The following PALS2 variants were observed in gnomAD, a reference collection of about 807,000 sequenced individuals.
PALS2 encodes the protein protein associated with LIN7 2, MAGUK p55 family member.
Under a neutral mutation model 61.6 loss-of-function variants are expected in PALS2, and 27 were observed. The ratio of observed to expected loss-of-function variants is 0.44; its 90% confidence interval spans 0.32 to 0.60. PALS2 has a LOEUF of 0.60. Among genes scored for constraint, PALS2 ranks in the 20% least tolerant of loss-of-function variants. PALS2 has a pLI of 0.05. For synonymous variants in PALS2, 236 were observed against 218.6 expected (o/e 1.08, Z -0.70); for missense variants, 554 against 639.4 (o/e 0.87, Z 1.44).
At chr7:24,619,551 A>G (rs1784414524) in intron 1 of PALS2, among the ~76,000 whole-genome samples, 1 of 151,956 alleles carries the variant, frequency 6.6e-6, no homozygotes, top group Admixed American at 6.6e-5. Context: ...CCCCGTCTCT[A>G]CTAAAAAATA....
At position 24,693,096 on chromosome 7, in the gene PALS2, T is replaced by G. The variant is rs1350410540; in HGVS notation, c.*5482T>G. On this transcript the variant is annotated 3_prime_UTR_variant, in exon 12 of 12. Coordinates refer to ENST00000222644, the MANE Select transcript of PALS2 (RefSeq NM_001303037.2). ...CCTTTTTTTCCCCTCCTACTGGCTC[T>G]TACTGTTTTCTAATCTCCAGTGTAA... 6.6e-6 allele frequency: 1 copy of G among 152,194 alleles called. No homozygotes were observed. Among genetic ancestry groups the G allele is most frequent in the Non-Finnish European group, 1.5e-5 (1 of 68,018 alleles). The allele number at this position is 152,194 out of a possible 1,614,324, so 9.4% of individuals were successfully genotyped here.
intron 1 of PALS2, among the ~76,000 whole-genome samples, chr7:24,619,616 G>A (rs972322675): frequency 6.6e-6 from 1 of 151,658 alleles, no homozygotes; most frequent in Non-Finnish European, 1.5e-5. Context: ...TACTCGGGAG[G>A]CTGAGGCAGG....
chr7:24,663,177 C>A (rs1004883075), intron 5 of PALS2, among the ~76,000 whole-genome samples: 18 of 152,276 alleles, frequency 1.2e-4, no homozygotes, highest in Middle Eastern at 3.4e-3. Context: ...AGGGCCTTTT[C>A]ACAGAGTTCT....
rs567037990 is a variant in PALS2, at chr7:24,623,615, TTTTG to T, written c.-2-27_-2-24del. The T allele has an allele frequency of 8.3e-4, 951 of 1,152,324 alleles. 2 individuals are homozygous for T. The highest frequency in any genetic ancestry group is 2.8e-3 in the South Asian group (179 of 63,212). The allele number at this position is 1,152,324 out of a possible 1,614,324, so 71.4% of individuals were successfully genotyped here. A position where few individuals can be genotyped will look rare whatever the true frequency, so the allele number is the denominator to read the frequency against. ...CCATAACGGCTTGAAATTTAAGGGT[TTTTG>T]TTTGTTTGTTTGTTTGTTTGTTTTT... On this transcript the variant is annotated intron_variant, in intron 1 of 11. Coordinates refer to ENST00000222644, the MANE Select transcript of PALS2 (RefSeq NM_001303037.2).
intron 1 of PALS2, among the ~76,000 whole-genome samples, chr7:24,594,646 A>G (rs190612588): frequency 6.6e-5 from 10 of 152,230 alleles, no homozygotes; most frequent in Admixed American, 6.6e-4. Flanking sequence ...ACGAGTCAGA[A>G]CACATACATT....
intron 2 of PALS2, among the ~76,000 whole-genome samples, chr7:24,627,662 C>A (rs56192723): frequency 0.047 from 7,141 of 152,008 alleles, 184 homozygotes; most frequent in Non-Finnish European, 0.058. Flanking sequence ...CAAATAGATA[C>A]AATAAAAAAT....
chr7:24,645,333 A>G (rs1785776913), intron 3 of PALS2, among the ~76,000 whole-genome samples: 1 of 152,166 alleles, frequency 6.6e-6, no homozygotes, highest in Non-Finnish European at 1.5e-5. Context: ...TCTTCTGCAT[A>G]TGGCTAGCTG....
chr7:24,687,760 T>C lies in PALS2; in HGVS notation c.*146T>C, dbSNP rs1788283201. On this transcript the variant is annotated 3_prime_UTR_variant, in exon 12 of 12. Coordinates refer to ENST00000222644, the MANE Select transcript of PALS2 (RefSeq NM_001303037.2). This position sits in a 1 kb window ranked among gnomAD's most constrained non-coding sequence, Gnocchi z 4.5. ...GGTGTAGATTGAAATAATAGTACACTTCTGAATTTTTATATAAAATGTGGT... is the reference window on the plus strand; with the variant it reads ...GGTGTAGATTGAAATAATAGTACACCTCTGAATTTTTATATAAAATGTGGT... 3.0e-6 allele frequency: 2 copies of C among 669,230 alleles called. No homozygotes were observed. The highest frequency in any genetic ancestry group is 2.2e-6 in the Non-Finnish European group (1 of 445,008). 41.5% of individuals were successfully genotyped at this position (669,230 alleles called of 1,614,324 possible).
intron 5 of PALS2, among the ~76,000 whole-genome samples, chr7:24,652,468 A>C (rs1786203972): frequency 6.6e-6 from 1 of 152,136 alleles, no homozygotes; most frequent in Non-Finnish European, 1.5e-5. Flanking sequence ...AGAGCTGGGG[A>C]AATGAATTCA....
intron 2 of PALS2, among the ~76,000 whole-genome samples, chr7:24,631,134 G>C (rs1042024448): frequency 6.6e-6 from 1 of 152,156 alleles, no homozygotes; most frequent in African/African-American, 2.4e-5. Flanking sequence ...TTCCAGAAAG[G>C]GTTTACTATT....
intron 6 of PALS2, among the ~76,000 whole-genome samples, 193 bp downstream of exon 6, chr7:24,663,914 G>A (rs889213668): frequency 7.2e-5 from 11 of 152,170 alleles, no homozygotes; most frequent in African/African-American, 1.9e-4. Context: ...CTTAATAAGT[G>A]CAGAATTAAC....
chr7:24,631,119 A>G (rs184565175), intron 2 of PALS2, among the ~76,000 whole-genome samples: 22 of 152,340 alleles, frequency 1.4e-4, no homozygotes, highest in Admixed American at 1.4e-3. Flanking sequence ...AGTAAATTGC[A>G]AGCCTTCCAG....
chr7:24,648,115 G>GT (rs1785938380), intron 3 of PALS2, among the ~76,000 whole-genome samples: 1 of 152,018 alleles, frequency 6.6e-6, no homozygotes, highest in Non-Finnish European at 1.5e-5. Context: ...TTCACAAATT[G>GT]TTTTATGAAA....
In PALS2 at chr7:24,690,853, T is replaced by G. The variant is rs1000854294; in HGVS notation, c.*3239T>G. 2 of 152,194 alleles carry G rather than the reference T, an allele frequency of 1.3e-5. No homozygotes were observed. Among genetic ancestry groups the G allele is most frequent in the Admixed American group, 6.5e-5 (1 of 15,278 alleles). The allele number at this position is 152,194 out of a possible 1,614,324, so 9.4% of individuals were successfully genotyped here. A position where few individuals can be genotyped will look rare whatever the true frequency, so the allele number is the denominator to read the frequency against. On this transcript the variant is annotated 3_prime_UTR_variant, in exon 12 of 12. Transcript: ENST00000222644. The stretch of plus-strand genomic sequence containing the variant: ...CAGTATGCCTACAGCATTAGTAGCC[T>G]AAATCCTAGATTCTAGAATCCAATA...
chr7:24,685,456 GT>G (rs1788145183), intron 11 of PALS2, among the ~76,000 whole-genome samples: 1 of 152,014 alleles, frequency 6.6e-6, no homozygotes. Flanking sequence ...ATTTTACCAT[GT>G]TAGTTTCCAG....
intron 1 of PALS2, among the ~76,000 whole-genome samples, chr7:24,587,636 C>A (rs1173507950): frequency 6.6e-6 from 1 of 151,884 alleles, no homozygotes; most frequent in Non-Finnish European, 1.5e-5. Context: ...CTTGGCCTCC[C>A]ATAGTGCTGG....
Position 24,692,361 on chromosome 7 carries a change from A to T in PALS2, c.*4747A>T, listed in dbSNP as rs909458748. The stretch of plus-strand genomic sequence containing the variant: ...GATGAAATTTATATTTCCCTTTATC[A>T]TTACTATTCTACTTGTTAAGTAAGG... On this transcript the variant is annotated 3_prime_UTR_variant, in exon 12 of 12. Transcript: ENST00000222644. The T allele has an allele frequency of 1.3e-5, 2 of 152,190 alleles. No homozygotes were observed. Among genetic ancestry groups the T allele is most frequent in the African/African-American group, 4.8e-5 (2 of 41,454 alleles). The allele number at this position is 152,190 out of a possible 1,614,324, so 9.4% of individuals were successfully genotyped here. A position where few individuals can be genotyped will look rare whatever the true frequency, so the allele number is the denominator to read the frequency against.
At chr7:24,609,155 T>G (rs540264099) in intron 1 of PALS2, among the ~76,000 whole-genome samples, 19 of 152,342 alleles carry the variant, frequency 1.2e-4, no homozygotes, top group African/African-American at 4.3e-4. Flanking sequence ...AAATGCCTGG[T>G]GATATAATTG....
intron 3 of PALS2, among the ~76,000 whole-genome samples, chr7:24,646,077 A>G (rs1167751029): frequency 6.6e-6 from 1 of 152,082 alleles, no homozygotes; most frequent in Non-Finnish European, 1.5e-5. Context: ...TTTTCTATAT[A>G]TAGAATTACG....
Sources: allele counts gnomAD v4.1 joint callset (sites outside exome capture counted in the v4.1 genomes callset), GRCh38; gene constraint gnomAD v4.1.1; non-coding constraint Gnocchi (gnomAD v3.1); transcripts MANE v1.5; gene names NCBI Gene and HGNC (gene_info 2026-07-23, HGNC 2026-07-21).